The following TMEM45A variants were observed in gnomAD, a reference collection of about 807,000 sequenced individuals.
The protein encoded by TMEM45A is transmembrane protein 45A.
Under a neutral mutation model 32.0 loss-of-function variants are expected in TMEM45A, and 25 were observed. The observed-to-expected ratio is 0.78, with a 90% CI of 0.57 to 1.09. The LOEUF (loss-of-function observed/expected upper bound fraction) is 1.09. Ranked by LOEUF, TMEM45A falls within the 50% of genes least tolerant of loss-of-function variation. The probability of loss-of-function intolerance (pLI) is 0.00; values close to 1 mark genes in which losing one functional copy is unlikely to be tolerated. For synonymous variants in TMEM45A, 122 were observed against 114.8 expected (o/e 1.06, Z -0.40); for missense variants, 302 against 325.0 (o/e 0.93, Z 0.54).
At chr3:100,496,671 G>A (rs1707933708) in intron 1 of TMEM45A, among the ~76,000 whole-genome samples, 1 of 152,352 alleles carries the variant, frequency 6.6e-6, no homozygotes, top group South Asian at 2.1e-4. Context: ...TGCTCCATAT[G>A]GAGACAGGAG....
At chr3:100,537,871 G>A (rs1473635872) in intron 1 of TMEM45A, among the ~76,000 whole-genome samples, 2 of 152,226 alleles carry the variant, frequency 1.3e-5, no homozygotes, top group African/African-American at 4.8e-5. Flanking sequence ...TTGTAAACTT[G>A]TCAGGCCCAC....
At chr3:100,568,263 T>C (rs569033537) in intron 4 of TMEM45A, among the ~76,000 whole-genome samples, 1 of 152,326 alleles carries the variant, frequency 6.6e-6, no homozygotes, top group South Asian at 2.1e-4. Context: ...TGAATGTAGA[T>C]ATTTTTGCCT....
At chr3:100,553,207 G>A (rs1444267315) in intron 1 of TMEM45A, among the ~76,000 whole-genome samples, 1 of 152,190 alleles carries the variant, frequency 6.6e-6, no homozygotes, top group Non-Finnish European at 1.5e-5. Context: ...GAGGGGTTAA[G>A]TAACTTGCCC....
chr3:100,556,188 C>A (rs2148982409), intron 2 of TMEM45A, among the ~76,000 whole-genome samples: 1 of 152,296 alleles, frequency 6.6e-6, no homozygotes, highest in South Asian at 2.1e-4. Flanking sequence ...ACCATGTTGG[C>A]CAGGCTGGTT....
intron 1 of TMEM45A, among the ~76,000 whole-genome samples, chr3:100,510,553 T>G (rs1191225896): frequency 1.3e-5 from 2 of 152,040 alleles, no homozygotes; most frequent in Non-Finnish European, 2.9e-5. Flanking sequence ...ACTCTAAAAA[T>G]CAGAGCGCCT....
intron 1 of TMEM45A, among the ~76,000 whole-genome samples, chr3:100,509,081 A>G (rs1298471046): frequency 2.6e-5 from 4 of 152,238 alleles, no homozygotes; most frequent in Admixed American, 1.3e-4. Flanking sequence ...AGGGACTAAT[A>G]TCCAGAATAT....
At chr3:100,539,193 C>T (rs1705801267) in intron 1 of TMEM45A, among the ~76,000 whole-genome samples, 1 of 152,008 alleles carries the variant, frequency 6.6e-6, no homozygotes, top group South Asian at 2.1e-4. Context: ...TACCTGACTT[C>T]AAAACTTATT....
intron 1 of TMEM45A, among the ~76,000 whole-genome samples, chr3:100,506,936 CAG>C (rs1426107537): frequency 6.6e-6 from 1 of 152,176 alleles, no homozygotes; most frequent in Non-Finnish European, 1.5e-5. Context: ...CAGGAACATA[CAG>C]AGAGTGAAGT....
intron 4 of TMEM45A, among the ~76,000 whole-genome samples, chr3:100,568,438 C>T (rs540348109): frequency 3.3e-5 from 5 of 152,246 alleles, no homozygotes; most frequent in African/African-American, 4.8e-5. Flanking sequence ...AGATTTCAGT[C>T]TTTTACCATT....
In TMEM45A at chr3:100,559,097, T is replaced by A. The variant is rs149156800; in HGVS notation, c.588+508T>A. On this transcript the variant is annotated intron_variant, in intron 4 of 5. Transcript: ENST00000323523. The stretch of plus-strand genomic sequence containing the variant: ...GTCTCATACAATAACAGAGCTAGGA[T>A]CTAAATTTGGATTCATCTGACCCGA... Among the ~76,000 whole-genome samples the A allele has an allele frequency of 3.7e-3, 571 of 152,272 alleles. 5 individuals are homozygous for A. The highest frequency in any genetic ancestry group is 5.6e-3 in the Non-Finnish European group (381 of 68,022).
rs368396323 is a variant in TMEM45A at position 100,568,977 on chromosome 3, C to T, written c.734+10C>T. 56 of 1,605,000 alleles carry T rather than the reference C, an allele frequency of 3.5e-5. No individual in the cohort carries two copies. The highest frequency in any genetic ancestry group is 1.6e-4 in the African/African-American group (12 of 74,758). ...ATGCTTTCATTACCTGGTAAGTTAG[C>T]GATTTCTGTTAATGGAAGTTCTGTT... On this transcript the variant is annotated intron_variant, in intron 5 of 5. Coordinates refer to ENST00000323523, the MANE Select transcript of TMEM45A (RefSeq NM_018004.3).
At chr3:100,558,278 G>T (rs1559650806) in intron 3 of TMEM45A, 127 bp from the exon 4 acceptor site, 6 of 1,087,234 alleles carry the variant, frequency 5.5e-6, no homozygotes, top group Non-Finnish European at 7.9e-6. Context: ...GTGGGAATCA[G>T]TGGGCGCCTG....
At chr3:100,496,369 T>C (rs1707927805) in intron 1 of TMEM45A, among the ~76,000 whole-genome samples, 1 of 152,198 alleles carries the variant, frequency 6.6e-6, no homozygotes, top group Non-Finnish European at 1.5e-5. Context: ...GTGTCCTGTT[T>C]TTCTAGTTGA....
Position 100,500,256 on chromosome 3 carries a change from T to A in TMEM45A, c.-4+7328T>A, listed in dbSNP as rs140794932. 3.0e-3 allele frequency among the ~76,000 whole-genome samples: 464 copies of A among 152,328 alleles called. 2 individuals carry two copies. Among genetic ancestry groups the A allele is most frequent in the African/African-American group, 9.8e-3 (408 of 41,566 alleles). On this transcript the variant is annotated intron_variant, in intron 1 of 5. Coordinates refer to ENST00000323523, the MANE Select transcript of TMEM45A (RefSeq NM_018004.3). Reference sequence around the variant, plus strand: ...ATGCATTGTTCAGACCTTGTTTTTTTAAAAAGTCTCAGCGGTATCAAATAC... The same window carrying A: ...ATGCATTGTTCAGACCTTGTTTTTTAAAAAAGTCTCAGCGGTATCAAATAC...
chr3:100,541,457 A>G (rs773275610), intron 1 of TMEM45A, among the ~76,000 whole-genome samples: 1 of 150,946 alleles, frequency 6.6e-6, no homozygotes, highest in Non-Finnish European at 1.5e-5. Context: ...CTTATAGTTT[A>G]AGGTCTTACA....
chr3:100,501,090 T>C (rs532695946), intron 1 of TMEM45A, among the ~76,000 whole-genome samples: 2 of 152,366 alleles, frequency 1.3e-5, no homozygotes, highest in South Asian at 2.1e-4. Flanking sequence ...AAATACGATA[T>C]GCTTAAGGAA....
chr3:100,495,499 A>T (rs538657352), intron 1 of TMEM45A, among the ~76,000 whole-genome samples: 1 of 152,160 alleles, frequency 6.6e-6, no homozygotes, highest in African/African-American at 2.4e-5. Context: ...AAGGTGGGAG[A>T]GGTGGGAAGG....
At chr3:100,543,340 A>T (rs1367754264) in intron 1 of TMEM45A, among the ~76,000 whole-genome samples, 2 of 152,146 alleles carry the variant, frequency 1.3e-5, no homozygotes, top group African/African-American at 2.4e-5. Flanking sequence ...GAGAGCATGT[A>T]TAGGAATTTT....
In TMEM45A at chr3:100,576,802, C is replaced by A. The variant is rs1413072858; in HGVS notation, c.735-123C>A. The A allele has an allele frequency of 3.9e-6, 3 of 770,398 alleles. No homozygotes were observed. In the African/African-American group the frequency reaches 5.3e-5, roughly 14 times the overall value. The allele number at this position is 770,398 out of a possible 1,614,324, so 47.7% of individuals were successfully genotyped here. On this transcript the variant is annotated intron_variant, in intron 5 of 5. Coordinates refer to ENST00000323523, the MANE Select transcript of TMEM45A (RefSeq NM_018004.3). ...TCCAAAGCCAAATAAAAGTAATTTT[C>A]CTTTTTGGGTTGCCTTCCCCAGTTG...
Sources: allele counts gnomAD v4.1 joint callset (sites outside exome capture counted in the v4.1 genomes callset), GRCh38; gene constraint gnomAD v4.1.1; transcripts MANE v1.5; gene names NCBI Gene and HGNC (gene_info 2026-07-23, HGNC 2026-07-21).